CACNA1A: variants seen among roughly 807,000 people sequenced by gnomAD.
The protein encoded by CACNA1A is calcium voltage-gated channel subunit alpha1 A, also known as voltage-dependent P/Q-type calcium channel subunit alpha-1A.
In CACNA1A, 57 loss-of-function variants were observed where a neutral mutation model predicts 262.4. That is an observed-to-expected ratio of 0.22 (90% CI 0.18 to 0.27). The LOEUF is 0.27. Ranked by LOEUF, CACNA1A falls within the 10% of genes least tolerant of loss-of-function variation. The pLI, the probability that CACNA1A is intolerant of heterozygous loss-of-function variation, is 1.00. For synonymous variants in CACNA1A, 1,431 were observed against 1,419.3 expected (o/e 1.01, Z -0.18); for missense variants, 2,526 against 3,562.8 (o/e 0.71, Z 7.41).
intron 1 of CACNA1A, among the ~76,000 whole-genome samples, chr19:13,482,281 C>T (rs905488046): frequency 1.3e-5 from 2 of 151,710 alleles, no homozygotes; most frequent in Admixed American, 1.3e-4. Context: ...GTCAGGAGAT[C>T]GAGACCATCC....
intron 3 of CACNA1A, among the ~76,000 whole-genome samples, chr19:13,389,789 T>C: frequency 6.6e-6 from 1 of 151,964 alleles, no homozygotes; most frequent in East Asian, 1.9e-4. Flanking sequence ...GTCTTTGCAT[T>C]TTTATTTTTA....
intron 3 of CACNA1A, among the ~76,000 whole-genome samples, chr19:13,429,984 G>A (rs1192519742): frequency 8.1e-6 from 1 of 123,250 alleles, no homozygotes; most frequent in East Asian, 2.8e-4. Context: ...GTGGAGTAGG[G>A]TGGGGGGAGT....
At chr19:13,242,290 T>A (rs957258589) in intron 31 of CACNA1A, among the ~76,000 whole-genome samples, 1 of 152,168 alleles carries the variant, frequency 6.6e-6, no homozygotes, top group Non-Finnish European at 1.5e-5. Context: ...TTTCTTTCTT[T>A]CTTTTTCTTC....
rs1018426616 is a variant in CACNA1A at position 13,241,144 on chromosome 19, G to A, written c.4950+4038C>T. ...CTGGGGTCCATGGAGCTGAATGGGG[G>A]ACAGGAGTGGTGAGAGGTGGCTGGG... On this transcript the variant is annotated intron_variant, in intron 31 of 46. Coordinates refer to ENST00000360228, the MANE Select transcript of CACNA1A (RefSeq NM_001127222.2). The surrounding 1 kb of genome is among the most constrained non-coding windows in gnomAD (Gnocchi z 4.0). 6.6e-6 allele frequency among the ~76,000 whole-genome samples: 1 copy of A among 152,194 alleles called. No homozygotes were observed. Among genetic ancestry groups the A allele is most frequent in the African/African-American group, 2.4e-5 (1 of 41,446 alleles).
At chr19:13,362,606 G>A (rs2059130347) in intron 5 of CACNA1A, 1 of 152,264 alleles carries the variant, frequency 6.6e-6, no homozygotes, top group African/African-American at 2.4e-5. Flanking sequence ...GCCTCTCAAA[G>A]TGCTGGGATT....
rs16019 is a variant in CACNA1A at position 13,300,637 on chromosome 19, T to G, written c.2192A>C (p.Glu731Ala). 0.011 allele frequency: 18,030 copies of G among 1,613,542 alleles called. 132 individuals carry two copies. Among genetic ancestry groups the G allele is most frequent in the Non-Finnish European group, 0.013 (14,785 of 1,179,486 alleles). The change falls in exon 18 of 47, where the codon GAA (glutamate) becomes GCA (alanine). Residue 731 changes from glutamate (E) to alanine (A), a missense_variant. Physicochemically the swap from Glu to Ala is moderately radical, Grantham distance 107 (BLOSUM62 -1). Around this residue, in one of 17 missense-constraint regions of CACNA1A, gnomAD observed 16 missense variants for 30.1 expected, o/e 0.53. Transcript: ENST00000360228. ...ELTKDEQEEE[E>A]AANQKLALQK... Reference sequence around the variant, plus strand: ...TAGGGCAAGTTTCTGGTTCGCTGCTTCTTCTTCCTCTTGCTCGTCCTAAAA... The same window carrying G: ...TAGGGCAAGTTTCTGGTTCGCTGCTGCTTCTTCCTCTTGCTCGTCCTAAAA...
chr19:13,245,849 T>C (rs945465603), intron 30 of CACNA1A, among the ~76,000 whole-genome samples: 1 of 152,034 alleles, frequency 6.6e-6, no homozygotes, highest in Non-Finnish European at 1.5e-5. Context: ...TTTTTGTATT[T>C]TTAGTAGAGA....
Position 13,209,353 on chromosome 19 carries a change from G to T in CACNA1A, c.6485C>A (p.Ala2162Asp). The T allele has an allele frequency of 2.9e-6, 4 of 1,389,502 alleles. No individual in the cohort carries two copies. Among genetic ancestry groups the T allele is most frequent in the Non-Finnish European group, 3.7e-6 (4 of 1,067,308 alleles). The allele number at this position is 1,389,502 out of a possible 1,614,324, so 86.1% of individuals were successfully genotyped here. A position where few individuals can be genotyped will look rare whatever the true frequency, so the allele number is the denominator to read the frequency against. Residue 2162 changes from alanine to aspartate, a missense_variant, in exon 45 of 47, where the codon GCC (alanine) becomes GAC (aspartate). Physicochemically the swap from Ala to Asp is moderately radical, Grantham distance 126. Coordinates refer to ENST00000360228, the MANE Select transcript of CACNA1A (RefSeq NM_001127222.2). The stretch of plus-strand genomic sequence containing the variant: ...GTAGCGGCCCAGGGAGCGCTCAGAG[G>T]CGCGGTGGCTGCGGTCGCGGCGCCG... ...HQRRRDRSHRASERSLGRYTD... is the reference protein window; with the variant it reads ...HQRRRDRSHRDSERSLGRYTD...
At chr19:13,411,943 T>G in intron 3 of CACNA1A, among the ~76,000 whole-genome samples, 1 of 151,982 alleles carries the variant, frequency 6.6e-6, no homozygotes, top group Middle Eastern at 3.2e-3. Context: ...GTCAAACTCC[T>G]GGGCTCAAGC....
chr19:13,264,681 C>T (rs1403772347), intron 24 of CACNA1A, among the ~76,000 whole-genome samples: 4 of 152,178 alleles, frequency 2.6e-5, no homozygotes, highest in African/African-American at 4.8e-5. Flanking sequence ...CAGAACTACC[C>T]GGTCCTCAAA....
At chr19:13,332,721 C>A in intron 9 of CACNA1A, 148 bp downstream of exon 9, 1 of 501,478 alleles carries the variant, frequency 2.0e-6, no homozygotes. Flanking sequence ...TAGGGAAACT[C>A]TGCATGGAAG....
At chr19:13,452,156 T>C (rs1224622529) in intron 3 of CACNA1A, 1 of 152,112 alleles carries the variant, frequency 6.6e-6, no homozygotes, top group Non-Finnish European at 1.5e-5. Flanking sequence ...TTTCTATGAG[T>C]GACAAATAAA....
At chr19:13,388,946 A>G (rs2059665721) in intron 3 of CACNA1A, among the ~76,000 whole-genome samples, 1 of 152,190 alleles carries the variant, frequency 6.6e-6, no homozygotes, top group African/African-American at 2.4e-5. Context: ...CTTGTCACCC[A>G]GGCTGGAGTG....
At chr19:13,488,390 C>CTTTTTTTTTTTTTTTT (rs34348281) in intron 1 of CACNA1A, among the ~76,000 whole-genome samples, 1 of 77,622 alleles carries the variant, frequency 1.3e-5, no homozygotes, top group African/African-American at 6.0e-5. Flanking sequence ...TTTTTCTTTT[C>CTTTTTTTTTTTTTTTT]TTTTTTTTTT....
chr19:13,502,320 C>T (rs576592772), intron 1 of CACNA1A, among the ~76,000 whole-genome samples: 7 of 152,148 alleles, frequency 4.6e-5, no homozygotes, highest in Non-Finnish European at 7.4e-5. Context: ...GGCAACTGTG[C>T]GTGATAATAC....
intron 3 of CACNA1A, among the ~76,000 whole-genome samples, chr19:13,393,505 T>TTTCCTTCC (rs36015275): frequency 1.6e-5 from 2 of 126,942 alleles, no homozygotes; most frequent in East Asian, 4.7e-4. Flanking sequence ...CCTTCCTTCC[T>TTTCCTTCC]TTCCTTCCTT....
At chr19:13,372,153 CTTTATTTTATTTTATTTTATT>C (rs1342851491) in intron 3 of CACNA1A, among the ~76,000 whole-genome samples, 3 of 151,822 alleles carry the variant, frequency 2.0e-5, no homozygotes, top group Non-Finnish European at 4.4e-5. Context: ...GTTTGTGGCT[CTTTATTTTATTTTATTTTATT>C]TTTTTGAGAC....
intron 3 of CACNA1A, among the ~76,000 whole-genome samples, chr19:13,399,366 G>A (rs2059860334): frequency 1.3e-5 from 2 of 150,728 alleles, no homozygotes; most frequent in East Asian, 3.9e-4. Flanking sequence ...TCAGAGAGAT[G>A]AGTCAGCAGA....
intron 3 of CACNA1A, among the ~76,000 whole-genome samples, chr19:13,407,532 T>G (rs937331553): frequency 6.6e-6 from 1 of 152,204 alleles, no homozygotes; most frequent in Non-Finnish European, 1.5e-5. Flanking sequence ...AGACACCCTA[T>G]AAGTACTAGC....
Sources: gnomAD v4.1 joint callset for allele counts (sites outside exome capture counted in the v4.1 genomes callset) on GRCh38, gnomAD v4.1.1 for gene constraint, gnomAD v4.1.1 regional missense constraint, Gnocchi (gnomAD v3.1) non-coding constraint, MANE v1.5 for transcripts, NCBI Gene and HGNC (gene_info 2026-07-23, HGNC 2026-07-21) for gene names.